The following PRRX1 variants were observed in gnomAD, a reference collection of about 807,000 sequenced individuals.
PRRX1 encodes paired related homeobox 1, also known as paired mesoderm homeobox protein 1.
Under a neutral mutation model 24.0 loss-of-function variants are expected in PRRX1, and 8 were observed. The ratio of observed to expected loss-of-function variants is 0.33; its 90% confidence interval spans 0.20 to 0.60. The LOEUF (loss-of-function observed/expected upper bound fraction) is 0.60. PRRX1 is among the 20% of genes least tolerant of loss of function. The probability of loss-of-function intolerance (pLI) is 0.82; values close to 1 mark genes in which losing one functional copy is unlikely to be tolerated. For missense variants in PRRX1, 281 were observed against 322.4 expected (o/e 0.87, Z 0.98); for synonymous variants, 160 against 131.7 (o/e 1.22, Z -1.47).
At chr1:170,724,040 T>C (rs908358182) in intron 2 of PRRX1, among the ~76,000 whole-genome samples, 71 of 152,266 alleles carry the variant, frequency 4.7e-4, no homozygotes, top group African/African-American at 1.7e-3. Context: ...AATTGTCATG[T>C]TGACTAGAAA....
At chr1:170,719,559 A>G (rs1655015275) in intron 1 of PRRX1, among the ~76,000 whole-genome samples, 167 bp from the exon 2 acceptor site, 1 of 152,242 alleles carries the variant, frequency 6.6e-6, no homozygotes, top group Non-Finnish European at 1.5e-5. Flanking sequence ...TGAACTTGAG[A>G]GCGCTAATGG....
intron 1 of PRRX1, among the ~76,000 whole-genome samples, chr1:170,691,299 T>C (rs1653937252): frequency 6.6e-6 from 1 of 152,090 alleles, no homozygotes; most frequent in Non-Finnish European, 1.5e-5. Context: ...TAAAGTAATG[T>C]CTTTTAGAAA....
At chr1:170,695,801 C>G (rs947316607) in intron 1 of PRRX1, among the ~76,000 whole-genome samples, 5 of 150,384 alleles carry the variant, frequency 3.3e-5, no homozygotes, top group Non-Finnish European at 7.4e-5. Flanking sequence ...TGATCCCCAT[C>G]CTTCTTTTCT....
intron 1 of PRRX1, among the ~76,000 whole-genome samples, chr1:170,688,881 A>T (rs1023731519): frequency 3.3e-5 from 5 of 152,042 alleles, no homozygotes; most frequent in Admixed American, 2.0e-4. Context: ...TTTTGTGCTG[A>T]CTCAAGTTCA....
chr1:170,685,309 G>A (rs931825483), intron 1 of PRRX1, among the ~76,000 whole-genome samples: 3 of 152,172 alleles, frequency 2.0e-5, no homozygotes, highest in African/African-American at 7.2e-5. Context: ...CAAGGACTGT[G>A]TGAGGTGGGT....
In PRRX1 at chr1:170,738,943, T is replaced by A. The variant is rs889848338; in HGVS notation, c.*2757T>A. 2 of 227,494 alleles carry A rather than the reference T, an allele frequency of 8.8e-6. No individual in the cohort carries two copies. Among genetic ancestry groups the A allele is most frequent in the Non-Finnish European group, 1.7e-5 (2 of 114,568 alleles). The allele number at this position is 227,494 out of a possible 1,614,324, so 14.1% of individuals were successfully genotyped here. ...TGCTGGTGAACCAATACCATAAGCA[T>A]GTATTATCTAAGCACTTGATCAAGA... On this transcript the variant is annotated 3_prime_UTR_variant, in exon 4 of 4. Transcript: ENST00000239461.
At position 170,704,419 on chromosome 1, in the gene PRRX1, G is replaced by A. The variant is rs144297268; in HGVS notation, c.242-15307G>A. Among the ~76,000 whole-genome samples, 858 of 152,180 alleles carry A rather than the reference G, an allele frequency of 5.6e-3. 10 individuals carry two copies. Among genetic ancestry groups the A allele is most frequent in the African/African-American group, 0.018 (741 of 41,510 alleles). Reference sequence around the variant, plus strand: ...ATCTCTAAGCTGTGGTTAACTTTTGGCATGAGACCACAAAAAACACACTCC... The same window carrying A: ...ATCTCTAAGCTGTGGTTAACTTTTGACATGAGACCACAAAAAACACACTCC... On this transcript the variant is annotated intron_variant, in intron 1 of 3. Transcript: ENST00000239461.
At chr1:170,686,776 CT>C (rs1478339130) in intron 1 of PRRX1, among the ~76,000 whole-genome samples, 1 of 148,242 alleles carries the variant, frequency 6.7e-6, no homozygotes, top group Non-Finnish European at 1.5e-5. Flanking sequence ...TCCAGAGTTT[CT>C]TTATTTCCTT....
chr1:170,692,657 A>G lies in PRRX1; in HGVS notation c.242-27069A>G, dbSNP rs78574518. On this transcript the variant is annotated intron_variant, in intron 1 of 3. Coordinates refer to ENST00000239461, the MANE Select transcript of PRRX1 (RefSeq NM_022716.4). The stretch of plus-strand genomic sequence containing the variant: ...CAAGTATTGGGGATTAAAATGGGTC[A>G]AATAGAGAATCTTCATGGAAATAAG... Among the ~76,000 whole-genome samples the G allele has an allele frequency of 7.2e-3, 1,095 of 151,320 alleles. 16 individuals carry two copies. Among genetic ancestry groups the G allele is most frequent in the African/African-American group, 0.025 (1,037 of 41,122 alleles).
At chr1:170,732,914 G>T (rs1655482754) in intron 3 of PRRX1, among the ~76,000 whole-genome samples, 1 of 152,124 alleles carries the variant, frequency 6.6e-6, no homozygotes, top group Non-Finnish European at 1.5e-5. Context: ...GCCTCTGGTG[G>T]TGTTCTTATA....
rs76819969 is a variant in PRRX1 at position 170,673,628 on chromosome 1, A to T, written c.241+9169A>T. Among the ~76,000 whole-genome samples, 3 of 152,336 alleles carry T rather than the reference A, an allele frequency of 2.0e-5. No homozygotes were observed. The East Asian group carries it at 5.8e-4, about 29-fold the overall frequency. ...CTGCAGCCACTTATTTGACATTTCC[A>T]TTTGAATATCACAAACGTGCTTCGA... On this transcript the variant is annotated intron_variant, in intron 1 of 3. Coordinates refer to ENST00000239461, the MANE Select transcript of PRRX1 (RefSeq NM_022716.4).
At position 170,736,434 on chromosome 1, in the gene PRRX1, T is replaced by C. The variant is rs555930962; in HGVS notation, c.*248T>C. 1 of 544,526 alleles carries C rather than the reference T, an allele frequency of 1.8e-6. No individual in the cohort carries two copies. Among genetic ancestry groups the C allele is most frequent in the Admixed American group, 3.2e-5 (1 of 31,716 alleles). 33.7% of individuals were successfully genotyped at this position (544,526 alleles called of 1,614,324 possible). On this transcript the variant is annotated 3_prime_UTR_variant, in exon 4 of 4. Transcript: ENST00000239461. ...TTTCTGTGTGTGTTTATTTTGTTTT[T>C]CTTTCATTCATGCTTTGCTTAATGT...
rs535200553 is a variant in PRRX1, at chr1:170,674,660, AT to A, written c.241+10214del. ...TGTACAACACCGCTGCAGTAAGCAAATTTTTTTTTTTTTGTACGGAGTACTT... is the reference window on the plus strand; with the variant it reads ...TGTACAACACCGCTGCAGTAAGCAAATTTTTTTTTTTTGTACGGAGTACTT... On this transcript the variant is annotated intron_variant, in intron 1 of 3. Transcript: ENST00000239461. 9.7e-3 allele frequency among the ~76,000 whole-genome samples: 1,408 copies of A among 145,602 alleles called. 8 individuals are homozygous for A. Among genetic ancestry groups the A allele is most frequent in the African/African-American group, 0.014 (581 of 40,162 alleles).
intron 3 of PRRX1, among the ~76,000 whole-genome samples, chr1:170,733,643 G>GCAT (rs1655514167): frequency 6.6e-6 from 1 of 152,052 alleles, no homozygotes; most frequent in Non-Finnish European, 1.5e-5. Flanking sequence ...CACTAATTGT[G>GCAT]CATCATCTTT....
intron 1 of PRRX1, among the ~76,000 whole-genome samples, chr1:170,702,198 C>T (rs187415712): frequency 5.3e-5 from 8 of 152,328 alleles, no homozygotes; most frequent in African/African-American, 1.9e-4. Context: ...GGCAGTAATG[C>T]TCACTCACCT....
intron 1 of PRRX1, among the ~76,000 whole-genome samples, chr1:170,707,317 G>T (rs1356082141): frequency 6.6e-6 from 1 of 151,814 alleles, no homozygotes; most frequent in Non-Finnish European, 1.5e-5. Flanking sequence ...TAACCAAATA[G>T]AACAAAGTGA....
intron 1 of PRRX1, among the ~76,000 whole-genome samples, chr1:170,715,028 C>T (rs2421490): frequency 0.15 from 22,080 of 151,920 alleles, 2,174 homozygotes; most frequent in East Asian, 0.46. Context: ...ATCCTGCAGC[C>T]GCTTTTCTAG....
chr1:170,730,270 A>C (rs1167881616), intron 3 of PRRX1: 1 of 1,605,994 alleles, frequency 6.2e-7, no homozygotes. Context: ...CACACTTTCA[A>C]AAATAGATCC....
At position 170,736,482 on chromosome 1, in the gene PRRX1, T is replaced by A; in HGVS notation, c.*296T>A. 1 of 428,256 alleles carries A rather than the reference T, an allele frequency of 2.3e-6. No homozygotes were observed. The highest frequency in any genetic ancestry group is 2.4e-5 in the South Asian group (1 of 42,262). The allele number at this position is 428,256 out of a possible 1,614,324, so 26.5% of individuals were successfully genotyped here. ...TGTACTCCAGGCTTCTTCAGCTAGG[T>A]TCAGCCCACCCACCCCCATGATTGT... On this transcript the variant is annotated 3_prime_UTR_variant, in exon 4 of 4. Transcript: ENST00000239461.
Sources: allele counts gnomAD v4.1 joint callset (sites outside exome capture counted in the v4.1 genomes callset), GRCh38; gene constraint gnomAD v4.1.1; transcripts MANE v1.5; gene names NCBI Gene and HGNC (gene_info 2026-07-23, HGNC 2026-07-21).